Variants in TMEM108 observed in about 807,000 individuals in gnomAD.
TMEM108 encodes the protein cancer/testis antigen 124.
In TMEM108, 12 loss-of-function variants were observed where a neutral mutation model predicts 35.1. The ratio of observed to expected loss-of-function variants is 0.34; its 90% CI spans 0.22 to 0.55. The LOEUF is 0.55. TMEM108 is among the 20% of genes least tolerant of loss of function. The pLI is 0.89. For missense variants in TMEM108, 680 were observed against 753.3 expected, an observed-to-expected ratio of 0.90 and a Z score of 1.14; for synonymous variants, 287 against 308.6, an observed-to-expected ratio of 0.93 and a Z score of 0.73.
chr3:133,387,841 C>T lies in TMEM108; in HGVS notation c.1451-2339C>T, dbSNP rs2073176028. ...AGATTCTAATTCTAAATTCGATGTC[C>T]CTTTTGCCCTATTGACTAGGCCTAA... On this transcript the variant is annotated intron_variant, in intron 4 of 5. Coordinates refer to ENST00000321871, the MANE Select transcript of TMEM108 (RefSeq NM_023943.4). The T allele has an allele frequency of 3.0e-6, 3 of 985,242 alleles. No homozygotes were observed. The African/African-American group carries it at 5.2e-5, about 17-fold the overall frequency. The allele number at this position is 985,242 out of a possible 1,614,324, so 61.0% of individuals were successfully genotyped here. A position where few individuals can be genotyped will look rare whatever the true frequency, so the allele number is the denominator to read the frequency against.
At chr3:133,049,871 G>A (rs1943382758) in intron 2 of TMEM108, among the ~76,000 whole-genome samples, 1 of 152,130 alleles carries the variant, frequency 6.6e-6, no homozygotes, top group Non-Finnish European at 1.5e-5. Flanking sequence ...CTCAAAAAAA[G>A]TGTTTCATAA....
At chr3:133,347,313 A>G (rs1463926112) in intron 3 of TMEM108, among the ~76,000 whole-genome samples, 1 of 152,058 alleles carries the variant, frequency 6.6e-6, no homozygotes, top group Non-Finnish European at 1.5e-5. Context: ...GATTTCTTTC[A>G]TCAGAGTTTT....
chr3:133,091,014 T>C (rs1377579836), intron 2 of TMEM108, among the ~76,000 whole-genome samples: 1 of 152,156 alleles, frequency 6.6e-6, no homozygotes, highest in East Asian at 1.9e-4. Context: ...AGTAAAACTA[T>C]TGGGTTAAAT....
intron 2 of TMEM108, among the ~76,000 whole-genome samples, chr3:133,078,527 A>C (rs1943772649): frequency 6.6e-6 from 1 of 152,204 alleles, no homozygotes; most frequent in South Asian, 2.1e-4. Context: ...AAAATGAACA[A>C]GTTACAAGGC....
chr3:133,357,387 A>G (rs2072205044), intron 3 of TMEM108, among the ~76,000 whole-genome samples: 1 of 152,240 alleles, frequency 6.6e-6, no homozygotes. Context: ...TAAAGAACTA[A>G]AAGTAGATCT....
At chr3:133,040,211 T>G (rs1385149833) in intron 1 of TMEM108, among the ~76,000 whole-genome samples, 7 of 148,370 alleles carry the variant, frequency 4.7e-5, no homozygotes, top group South Asian at 2.1e-4. Flanking sequence ...TGTTTGTTTT[T>G]TTTTTTTTTT....
At chr3:133,146,592 C>A (rs1486705020) in intron 2 of TMEM108, among the ~76,000 whole-genome samples, 1 of 152,158 alleles carries the variant, frequency 6.6e-6, no homozygotes, top group African/African-American at 2.4e-5. Flanking sequence ...TCTGTCTGGT[C>A]ATGGGCTTTT....
At chr3:133,220,912 A>T (rs1022432578) in intron 2 of TMEM108, among the ~76,000 whole-genome samples, 1 of 152,220 alleles carries the variant, frequency 6.6e-6, no homozygotes, top group African/African-American at 2.4e-5. Context: ...TAGAGCTCAG[A>T]AAGTGCTTTA....
intron 3 of TMEM108, among the ~76,000 whole-genome samples, chr3:133,320,315 T>A (rs2071250577): frequency 6.8e-6 from 1 of 148,036 alleles, no homozygotes. Context: ...TCCAAAGAAA[T>A]AGCTATCATA....
intron 3 of TMEM108, among the ~76,000 whole-genome samples, chr3:133,352,367 A>G (rs989193047): frequency 1.3e-5 from 2 of 152,198 alleles, no homozygotes; most frequent in African/African-American, 4.8e-5. Flanking sequence ...GGGTTCCCAC[A>G]CTAGCCAATT....
intron 3 of TMEM108, among the ~76,000 whole-genome samples, chr3:133,303,764 G>C (rs1345632166): frequency 1.3e-5 from 2 of 152,096 alleles, no homozygotes; most frequent in African/African-American, 4.8e-5. Flanking sequence ...ATCATAACAA[G>C]ATATCAAATA....
At chr3:133,161,269 A>T (rs1237344188) in intron 2 of TMEM108, among the ~76,000 whole-genome samples, 1 of 152,094 alleles carries the variant, frequency 6.6e-6, no homozygotes, top group Non-Finnish European at 1.5e-5. Flanking sequence ...TTGATCTTAC[A>T]TGGCTGGCCT....
At chr3:133,226,417 A>G (rs1435773468) in intron 2 of TMEM108, among the ~76,000 whole-genome samples, 2 of 152,218 alleles carry the variant, frequency 1.3e-5, no homozygotes, top group Non-Finnish European at 2.9e-5. Context: ...ATTTTTGGGT[A>G]AAATACTTTG....
At chr3:133,200,978 A>G (rs79707476) in intron 2 of TMEM108, among the ~76,000 whole-genome samples, 2,093 of 152,336 alleles carry the variant, frequency 0.014, 53 homozygotes, top group African/African-American at 0.048. Context: ...TCGCTTGGAC[A>G]GCACCCCTTA....
At chr3:133,128,617 C>T (rs1944447202) in intron 2 of TMEM108, among the ~76,000 whole-genome samples, 1 of 152,148 alleles carries the variant, frequency 6.6e-6, no homozygotes, top group East Asian at 1.9e-4. Flanking sequence ...TTGAATTGTT[C>T]TTGGCCTCAC....
chr3:133,127,112 A>G (rs890065983), intron 2 of TMEM108, among the ~76,000 whole-genome samples: 2 of 152,194 alleles, frequency 1.3e-5, no homozygotes, highest in African/African-American at 2.4e-5. Context: ...CTGAAGTTTC[A>G]TGGACAATAC....
intron 3 of TMEM108, among the ~76,000 whole-genome samples, chr3:133,365,778 G>A (rs2072485895): frequency 6.6e-6 from 1 of 152,120 alleles, no homozygotes; most frequent in African/African-American, 2.4e-5. Context: ...GCTGGAATGG[G>A]GGCCAGACCA....
intron 3 of TMEM108, chr3:133,378,370 G>A (rs1045686942): frequency 7.9e-5 from 78 of 985,368 alleles, no homozygotes; most frequent in Non-Finnish European, 9.3e-5. Flanking sequence ...AGACACCTGG[G>A]AATCACAGCT....
intron 2 of TMEM108, among the ~76,000 whole-genome samples, chr3:133,138,212 C>A (rs1470949469): frequency 1.3e-5 from 2 of 152,056 alleles, no homozygotes; most frequent in Admixed American, 6.6e-5. Flanking sequence ...AAAAGAGGAA[C>A]AGAAAGTGGG....
Sources: gnomAD v4.1 joint callset for allele counts (sites outside exome capture counted in the v4.1 genomes callset) on GRCh38, gnomAD v4.1.1 for gene constraint, MANE v1.5 for transcripts, NCBI Gene and HGNC (gene_info 2026-07-23, HGNC 2026-07-21) for gene names.